LAMA3: variants seen among roughly 807,000 people sequenced by gnomAD.
The protein encoded by LAMA3 is laminin subunit alpha 3.
LAMA3 carries 281 observed loss-of-function variants against 402.0 expected under a neutral mutation model. The observed-to-expected ratio is 0.70, with a 90% confidence interval of 0.63 to 0.77. LAMA3 has a LOEUF of 0.77. Ranked by LOEUF, LAMA3 falls within the 30% of genes least tolerant of loss-of-function variation. LAMA3 has a pLI of 0.00. For synonymous variants in LAMA3, 1,431 were observed against 1,558.4 expected, an observed-to-expected ratio of 0.92 and a Z score of 1.93; for missense variants, 3,840 against 4,215.5, an observed-to-expected ratio of 0.91 and a Z score of 2.47.
chr18:23,816,341 T>C (rs759300976), intron 17 of LAMA3, 47 bp from the exon 18 acceptor site: 2 of 1,456,412 alleles, frequency 1.4e-6, no homozygotes, highest in Non-Finnish European at 1.9e-6. Flanking sequence ...AGGCGCTCAG[T>C]GTGGAGATGG....
intron 41 of LAMA3, among the ~76,000 whole-genome samples, chr18:23,888,820 C>A (rs1011545376): frequency 4.6e-5 from 7 of 151,628 alleles, no homozygotes; most frequent in African/African-American, 1.7e-4. Context: ...TGATAAGACA[C>A]CACACATCAG....
Position 23,838,848 on chromosome 18 carries a change from T to C in LAMA3, c.3161T>C (p.Ile1054Thr). The change falls in exon 26 of 75, where the codon ATT becomes ACT. Residue 1054 changes from isoleucine (I) to threonine (T), a missense_variant. Physicochemically the swap from Ile to Thr is moderately conservative, Grantham distance 89 (BLOSUM62 -1). Transcript: ENST00000313654. Reference protein sequence around the residue: ...AEYVRPQVHCIASYGRFVNQS... With the variant: ...AEYVRPQVHCTASYGRFVNQS... Reference sequence around the variant, plus strand: ...TATGTGAGACCACAAGTCCACTGCATTGCCAGTTATGGGCGATTTGTCAAT... The same window carrying C: ...TATGTGAGACCACAAGTCCACTGCACTGCCAGTTATGGGCGATTTGTCAAT... 6.2e-7 allele frequency: 1 copy of C among 1,610,660 alleles called. No individual in the cohort carries two copies. The highest frequency in any genetic ancestry group is 8.5e-7 in the Non-Finnish European group (1 of 1,176,766).
chr18:23,792,635 G>A (rs1310347036), intron 12 of LAMA3, among the ~76,000 whole-genome samples: 1 of 152,214 alleles, frequency 6.6e-6, no homozygotes, highest in Non-Finnish European at 1.5e-5. Context: ...CCTCGGGAGG[G>A]GCAGAGGTGC....
At chr18:23,715,792 G>A (rs1039787791) in intron 2 of LAMA3, among the ~76,000 whole-genome samples, 2 of 152,110 alleles carry the variant, frequency 1.3e-5, no homozygotes, top group Admixed American at 1.3e-4. Context: ...GAACAGTTAA[G>A]CATAGAGTAC....
intron 12 of LAMA3, among the ~76,000 whole-genome samples, chr18:23,785,341 A>C (rs1294865823): frequency 6.6e-6 from 1 of 152,186 alleles, no homozygotes; most frequent in African/African-American, 2.4e-5. Flanking sequence ...TCTCACCTGC[A>C]AGGTCAGCCA....
intron 2 of LAMA3, among the ~76,000 whole-genome samples, chr18:23,727,928 C>G (rs190345889): frequency 6.6e-6 from 1 of 151,454 alleles, no homozygotes; most frequent in Admixed American, 6.6e-5. Context: ...GAGATAGGGT[C>G]TCACTATGTT....
intron 41 of LAMA3, among the ~76,000 whole-genome samples, chr18:23,889,748 A>G (rs2080587369): frequency 6.6e-6 from 1 of 151,506 alleles, no homozygotes; most frequent in Non-Finnish European, 1.5e-5. Context: ...GAAGGAAGAA[A>G]TAATGCAATA....
intron 62 of LAMA3, among the ~76,000 whole-genome samples, chr18:23,924,543 C>CTTT (rs66546657): frequency 2.2e-5 from 2 of 89,098 alleles, no homozygotes; most frequent in African/African-American, 7.1e-5. Context: ...CTTTTTTTTT[C>CTTT]TTTTTTTTTT....
intron 64 of LAMA3, among the ~76,000 whole-genome samples, chr18:23,929,262 A>C (rs566401425): frequency 4.6e-5 from 7 of 152,338 alleles, no homozygotes; most frequent in Admixed American, 4.6e-4. Flanking sequence ...CCTCATGTAC[A>C]ACAGAGCCAC....
intron 12 of LAMA3, among the ~76,000 whole-genome samples, chr18:23,793,098 G>T (rs2062692374): frequency 6.6e-6 from 1 of 152,184 alleles, no homozygotes. Flanking sequence ...ATTAAGGAAT[G>T]GGCAGGGATA....
At chr18:23,714,459 G>T (rs565512342) in intron 2 of LAMA3, among the ~76,000 whole-genome samples, 1 of 152,268 alleles carries the variant, frequency 6.6e-6, no homozygotes, top group African/African-American at 2.4e-5. Flanking sequence ...GGTGGAGGTT[G>T]CAGTGAGCCA....
chr18:23,708,226 C>T (rs80210515), intron 1 of LAMA3, among the ~76,000 whole-genome samples: 2,258 of 152,170 alleles, frequency 0.015, 48 homozygotes, highest in African/African-American at 0.051. Flanking sequence ...CTGTTCTGTC[C>T]GATAGGTCTG....
Position 23,750,974 on chromosome 18 carries a change from C to T in LAMA3, c.741C>T (p.His247=), listed in dbSNP as rs374313694. The T allele has an allele frequency of 8.7e-6, 14 of 1,614,128 alleles. No homozygotes were observed. The South Asian group carries it at 1.3e-4, about 15-fold the overall frequency. ...RPGAKNFTFS[H]TLREFTKATN... is the part of the protein sequence containing the mutation. ...GTGCAAAAAATTTTACTTTCTCTCA[C>T]ACCCTGAGGGAGTTTACCAAGGCAA... The change falls in exon 5 of 75, where the codon CAC becomes CAT. Residue 247 remains histidine (H), a synonymous_variant. Transcript: ENST00000313654.
At chr18:23,695,341 C>T (rs1219768065) in intron 1 of LAMA3, among the ~76,000 whole-genome samples, 2 of 152,134 alleles carry the variant, frequency 1.3e-5, no homozygotes, top group African/African-American at 4.8e-5. Context: ...TTGTATTGAC[C>T]ATTCAGTGTA....
chr18:23,742,516 A>G (rs1404049265), intron 2 of LAMA3, among the ~76,000 whole-genome samples: 1 of 152,240 alleles, frequency 6.6e-6, no homozygotes, highest in Non-Finnish European at 1.5e-5. Context: ...TAGAAGAAAT[A>G]TCCATAAAAT....
intron 19 of LAMA3, among the ~76,000 whole-genome samples, chr18:23,820,517 C>T (rs2063264608): frequency 6.6e-6 from 1 of 152,120 alleles, no homozygotes; most frequent in Non-Finnish European, 1.5e-5. Context: ...TTTCATTTTT[C>T]TTTTCCATAT....
intron 54 of LAMA3, among the ~76,000 whole-genome samples, chr18:23,908,446 C>T (rs951277600): frequency 8.2e-5 from 12 of 147,104 alleles, no homozygotes; most frequent in African/African-American, 3.0e-4. Flanking sequence ...AGGAGAATGG[C>T]GTGATCCTGG....
At chr18:23,891,298 G>T (rs1201898174) in intron 42 of LAMA3, among the ~76,000 whole-genome samples, 1 of 152,228 alleles carries the variant, frequency 6.6e-6, no homozygotes, top group Non-Finnish European at 1.5e-5. Flanking sequence ...TGTGACAAGA[G>T]TCTGTCCAGG....
Position 23,954,498 on chromosome 18 carries a change from T to A in LAMA3, c.9857-5T>A. The A allele has an allele frequency of 6.2e-7, 1 of 1,613,814 alleles. No homozygotes were observed. Among genetic ancestry groups the A allele is most frequent in the Non-Finnish European group, 8.5e-7 (1 of 1,179,786 alleles). ...TACTGAATGCCTCTCCACTTTCTCTTTCAGCCAATTTGACGACACTGAGGA... is the reference window on the plus strand; with the variant it reads ...TACTGAATGCCTCTCCACTTTCTCTATCAGCCAATTTGACGACACTGAGGA... On this transcript the variant is annotated splice_region_variant and splice_polypyrimidine_tract_variant and intron_variant, in intron 74 of 74. Transcript: ENST00000313654.
Sources: gnomAD v4.1 joint callset for allele counts (sites outside exome capture counted in the v4.1 genomes callset) on GRCh38, gnomAD v4.1.1 for gene constraint, MANE v1.5 for transcripts, NCBI Gene and HGNC (gene_info 2026-07-23, HGNC 2026-07-21) for gene names.